Variants in CEP128 observed in about 807,000 individuals in gnomAD.
CEP128 encodes centrosomal protein 128kDa.
A neutral mutation model predicts 156.7 loss-of-function variants in CEP128; 132 were observed. The ratio of observed to expected loss-of-function variants is 0.84; its 90% CI spans 0.73 to 0.97. CEP128 has a LOEUF of 0.97. Among genes scored for constraint, CEP128 ranks in the 50% least tolerant of loss-of-function variants. The pLI is 0.00. For missense variants in CEP128, 1,252 were observed against 1,281.9 expected, an observed-to-expected ratio of 0.98 and a Z score of 0.36; for synonymous variants, 469 against 448.9, an observed-to-expected ratio of 1.04 and a Z score of -0.57.
At chr14:80,800,649 A>T (rs1883787776) in intron 13 of CEP128, among the ~76,000 whole-genome samples, 1 of 152,220 alleles carries the variant, frequency 6.6e-6, no homozygotes, top group South Asian at 2.1e-4. Context: ...ATCTTGATGC[A>T]GAGGTGTTTC....
chr14:80,874,774 T>C (rs1260928156), intron 8 of CEP128, among the ~76,000 whole-genome samples: 2 of 152,088 alleles, frequency 1.3e-5, no homozygotes, highest in African/African-American at 4.8e-5. Context: ...CCCACCGCCA[T>C]GCCTGGCTAA....
chr14:80,539,725 T>C (rs1406345530), intron 21 of CEP128, among the ~76,000 whole-genome samples: 5 of 151,846 alleles, frequency 3.3e-5, no homozygotes, highest in Non-Finnish European at 7.4e-5. Context: ...GCCATATTTT[T>C]CTTCTTGCAG....
chr14:80,554,098 T>G (rs1566776349), intron 21 of CEP128, among the ~76,000 whole-genome samples: 1 of 152,142 alleles, frequency 6.6e-6, no homozygotes, highest in Admixed American at 6.6e-5. Context: ...TGCTTCTTAT[T>G]CATTTATGGG....
chr14:80,621,246 A>G (rs1419469528), intron 19 of CEP128, among the ~76,000 whole-genome samples: 1 of 152,182 alleles, frequency 6.6e-6, no homozygotes, highest in Non-Finnish European at 1.5e-5. Flanking sequence ...TAGTTGGAAA[A>G]TTACTTACCA....
At chr14:80,863,977 G>C (rs1338595965) in intron 8 of CEP128, among the ~76,000 whole-genome samples, 1 of 152,116 alleles carries the variant, frequency 6.6e-6, no homozygotes, top group Non-Finnish European at 1.5e-5. Flanking sequence ...TAACTGCAAA[G>C]GTCTACTTAT....
upstream of CEP128, chr14:80,942,379 C>T (rs1886203959): frequency 6.6e-6 from 1 of 152,188 alleles, no homozygotes; most frequent in African/African-American, 2.4e-5. Context: ...CATCTCCTCA[C>T]TCTAGAACAT....
At chr14:80,770,826 A>G (rs1053295681) in intron 16 of CEP128, among the ~76,000 whole-genome samples, 1 of 152,200 alleles carries the variant, frequency 6.6e-6, no homozygotes, top group Admixed American at 6.5e-5. Flanking sequence ...TCTAAAGTGT[A>G]AACATTAAAG....
chr14:80,512,404 T>C (rs1231089492), intron 23 of CEP128, among the ~76,000 whole-genome samples: 2 of 152,074 alleles, frequency 1.3e-5, no homozygotes, highest in African/African-American at 4.8e-5. Flanking sequence ...TAGCTACTCC[T>C]GCTGTTTTGG....
intron 16 of CEP128, among the ~76,000 whole-genome samples, chr14:80,771,016 C>T (rs1595374127): frequency 6.6e-6 from 1 of 152,206 alleles, no homozygotes; most frequent in East Asian, 1.9e-4. Flanking sequence ...ATATATTTTT[C>T]CCCATCATCA....
upstream of CEP128, among the ~76,000 whole-genome samples, chr14:80,941,969 G>A (rs940668342): frequency 2.0e-5 from 3 of 151,504 alleles, no homozygotes; most frequent in African/African-American, 7.3e-5. Flanking sequence ...TTTTGTTAAA[G>A]GACCAGCCTC....
At chr14:80,702,863 A>T (rs939750304) in intron 19 of CEP128, among the ~76,000 whole-genome samples, 1 of 152,192 alleles carries the variant, frequency 6.6e-6, no homozygotes, top group African/African-American at 2.4e-5. Context: ...AATTCAAGAC[A>T]TAAGAAACAC....
Position 80,822,806 on chromosome 14 carries a change from A to T in CEP128, c.1209+8337T>A, listed in dbSNP as rs1014938890. On this transcript the variant is annotated intron_variant, in intron 13 of 24. Transcript: ENST00000555265. ...TGGAGACGCCAAGTGAAGTGTGTGC[A>T]TTTTTGATAACTGTGTAAACTTCTG... The T allele has an allele frequency of 5.4e-6, 4 of 745,226 alleles. No individual in the cohort carries two copies. In the Admixed American group the frequency reaches 6.9e-5, roughly 13 times the overall value. The allele number at this position is 745,226 out of a possible 1,614,324, so 46.2% of individuals were successfully genotyped here. A position where few individuals can be genotyped will look rare whatever the true frequency, so the allele number is the denominator to read the frequency against.
intron 13 of CEP128, among the ~76,000 whole-genome samples, chr14:80,814,356 T>C (rs1446933320): frequency 2.0e-5 from 3 of 152,140 alleles, no homozygotes; most frequent in East Asian, 1.9e-4. Flanking sequence ...TATCATTTTG[T>C]CCCCTTATTA....
At chr14:80,710,075 A>C (rs1435317018) in intron 19 of CEP128, among the ~76,000 whole-genome samples, 3 of 152,060 alleles carry the variant, frequency 2.0e-5, no homozygotes, top group African/African-American at 7.2e-5. Flanking sequence ...GGATATGAGG[A>C]TACAAACAGA....
At chr14:80,505,915 G>A (rs1887950722) in intron 23 of CEP128, among the ~76,000 whole-genome samples, 1 of 152,082 alleles carries the variant, frequency 6.6e-6, no homozygotes, top group Non-Finnish European at 1.5e-5. Flanking sequence ...GCAAGACATT[G>A]GGGTCTACAG....
At chr14:80,722,595 GA>G (rs1897860951) in intron 19 of CEP128, among the ~76,000 whole-genome samples, 1 of 151,250 alleles carries the variant, frequency 6.6e-6, no homozygotes, top group Admixed American at 6.6e-5. Flanking sequence ...GCTGAGAAAA[GA>G]AAAAATGTTT....
At chr14:80,740,039 A>G (rs2139579780) in intron 19 of CEP128, among the ~76,000 whole-genome samples, 1 of 152,274 alleles carries the variant, frequency 6.6e-6, no homozygotes, top group South Asian at 2.1e-4. Context: ...GCAAGATATC[A>G]TCTCTGTCTT....
chr14:80,579,761 C>A (rs1213055601), intron 20 of CEP128, among the ~76,000 whole-genome samples: 1 of 152,190 alleles, frequency 6.6e-6, no homozygotes, highest in Non-Finnish European at 1.5e-5. Flanking sequence ...AAGACAGACA[C>A]TTGAGTTACC....
chr14:80,741,290 G>T (rs1013666401), intron 19 of CEP128, among the ~76,000 whole-genome samples: 1 of 152,188 alleles, frequency 6.6e-6, no homozygotes, highest in Non-Finnish European at 1.5e-5. Flanking sequence ...ATAAATTTTA[G>T]GTTTTAGTAA....
Sources: gnomAD v4.1 joint callset for allele counts (sites outside exome capture counted in the v4.1 genomes callset) on GRCh38, gnomAD v4.1.1 for gene constraint, MANE v1.5 for transcripts, NCBI Gene and HGNC (gene_info 2026-07-23, HGNC 2026-07-21) for gene names.